Variants in VPS13B observed in about 807,000 individuals in gnomAD.
VPS13B encodes vacuolar protein sorting 13 homolog B.
In VPS13B, 285 loss-of-function variants were observed where a neutral mutation model predicts 426.4. The observed-to-expected ratio is 0.67, with a 90% CI of 0.61 to 0.74. The LOEUF (loss-of-function observed/expected upper bound fraction) is 0.74. Among genes scored for constraint, VPS13B ranks in the 30% least tolerant of loss-of-function variants. The probability of loss-of-function intolerance (pLI) is 0.00; values close to 1 mark genes in which losing one functional copy is unlikely to be tolerated. For synonymous variants in VPS13B, 1,676 were observed against 1,676.4 expected (o/e 1.00, Z 0.01); for missense variants, 4,537 against 4,782.6 (o/e 0.95, Z 1.51).
intron 33 of VPS13B, among the ~76,000 whole-genome samples, chr8:99,621,792 TTTTG>T (rs995687549): frequency 8.6e-5 from 13 of 151,710 alleles, no homozygotes; most frequent in African/African-American, 1.7e-4. Context: ...TCATTCCTTT[TTTTG>T]TTTGTTTGTT....
chr8:99,337,737 T>C (rs1050620150), intron 19 of VPS13B, among the ~76,000 whole-genome samples: 9 of 152,218 alleles, frequency 5.9e-5, no homozygotes, highest in African/African-American at 1.9e-4. Context: ...AATTCACATT[T>C]ATCAATTTTT....
chr8:99,793,520 A>T (rs1297300912), intron 43 of VPS13B, among the ~76,000 whole-genome samples: 2 of 152,026 alleles, frequency 1.3e-5, no homozygotes, highest in African/African-American at 4.8e-5. Context: ...GTTTAACTTG[A>T]TAGAGGTCTG....
At position 99,465,095 on chromosome 8, in the gene VPS13B, T is replaced by A. The variant is rs544493264; in HGVS notation, c.3446-2319T>A. Among the ~76,000 whole-genome samples the A allele has an allele frequency of 3.3e-4, 51 of 152,290 alleles. No individual in the cohort carries two copies. The South Asian group carries it at 9.7e-3, about 29-fold the overall frequency. On this transcript the variant is annotated intron_variant, in intron 23 of 61. Coordinates refer to ENST00000357162, the MANE Select transcript of VPS13B (RefSeq NM_152564.5). ...TCTTAATCTTGAAGGTCAGCCCAGA[T>A]TGATAGAAAGCTATATGAAGTTCTC...
At chr8:99,608,671 T>C (rs1316702515) in intron 33 of VPS13B, among the ~76,000 whole-genome samples, 1 of 152,184 alleles carries the variant, frequency 6.6e-6, no homozygotes, top group African/African-American at 2.4e-5. Flanking sequence ...TCTCCTCCAC[T>C]GCTAGGCAAC....
intron 33 of VPS13B, among the ~76,000 whole-genome samples, chr8:99,626,707 T>C (rs1828627720): frequency 6.6e-6 from 1 of 152,124 alleles, no homozygotes. Context: ...CATCCAGCCA[T>C]TATGGAAAAA....
intron 25 of VPS13B, among the ~76,000 whole-genome samples, chr8:99,486,649 C>T (rs969863875): frequency 1.3e-5 from 2 of 152,118 alleles, no homozygotes; most frequent in Non-Finnish European, 2.9e-5. Context: ...CTCTGTTTGC[C>T]TCCAGGCTTT....
intron 30 of VPS13B, among the ~76,000 whole-genome samples, chr8:99,545,042 A>G (rs2133738886): frequency 6.6e-6 from 1 of 152,254 alleles, no homozygotes; most frequent in East Asian, 1.9e-4. Context: ...CTATATCAAA[A>G]CAATATAGAG....
chr8:99,827,542 A>AT (rs142426991), intron 51 of VPS13B, among the ~76,000 whole-genome samples: 33,827 of 136,814 alleles, frequency 0.25, 4,213 homozygotes, highest in East Asian at 0.35. Flanking sequence ...GGTTTCGTTG[A>AT]TTTTTTTTTT....
At chr8:99,766,387 A>AC (rs543750503) in intron 39 of VPS13B, among the ~76,000 whole-genome samples, 60 of 152,226 alleles carry the variant, frequency 3.9e-4, no homozygotes, top group Admixed American at 5.2e-4. Flanking sequence ...CCTGGCTGGC[A>AC]CCTTCATTGC....
In VPS13B at chr8:99,859,308, G is replaced by C; in HGVS notation, c.10872G>C (p.Trp3624Cys). 1 of 1,613,600 alleles carries C rather than the reference G, an allele frequency of 6.2e-7. No homozygotes were observed. Among genetic ancestry groups the C allele is most frequent in the Non-Finnish European group, 8.5e-7 (1 of 1,179,916 alleles). The change falls in exon 57 of 62, where the codon TGG becomes TGC. Residue 3624 changes from tryptophan (W) to cysteine (C), a missense_variant. By Grantham distance (215) the Trp-to-Cys change is radical. Coordinates refer to ENST00000357162, the MANE Select transcript of VPS13B (RefSeq NM_152564.5). ...CTTCCCTCTTGTGCGTTGCAGGCTG[G>C]GTAGTTGGGTCTCTGGATATTCTTG... ...YAAGALFRAG[W>C]VVGSLDILGS... is the part of the protein sequence containing the mutation.
chr8:99,594,325 A>G (rs1382546406), intron 33 of VPS13B, among the ~76,000 whole-genome samples: 1 of 151,960 alleles, frequency 6.6e-6, no homozygotes, highest in African/African-American at 2.4e-5. Flanking sequence ...GCTTCAATTT[A>G]ATCATCTGCA....
At chr8:99,449,453 A>G (rs897746375) in intron 23 of VPS13B, among the ~76,000 whole-genome samples, 3 of 152,206 alleles carry the variant, frequency 2.0e-5, no homozygotes, top group Non-Finnish European at 4.4e-5. Flanking sequence ...AAGAGGGATC[A>G]TAGAGACACA....
intron 17 of VPS13B, among the ~76,000 whole-genome samples, chr8:99,215,153 T>C (rs1815315014): frequency 6.6e-6 from 1 of 152,180 alleles, no homozygotes; most frequent in Admixed American, 6.5e-5. Flanking sequence ...TGATAAGTGT[T>C]GTATGTCTGC....
chr8:99,401,791 G>A (rs1207759475), intron 21 of VPS13B, among the ~76,000 whole-genome samples: 3 of 152,142 alleles, frequency 2.0e-5, no homozygotes, highest in Non-Finnish European at 4.4e-5. Flanking sequence ...GCTTGAACCT[G>A]GGAGGTGGAG....
chr8:99,527,611 C>G (rs769442756), intron 30 of VPS13B, among the ~76,000 whole-genome samples: 33 of 152,084 alleles, frequency 2.2e-4, no homozygotes, highest in Non-Finnish European at 4.7e-4. Context: ...GTTTCTTTAT[C>G]TTACACAACC....
At chr8:99,232,624 C>T (rs753887491) in intron 17 of VPS13B, among the ~76,000 whole-genome samples, 2 of 152,302 alleles carry the variant, frequency 1.3e-5, no homozygotes, top group Admixed American at 6.5e-5. Context: ...CCGCAGGCCA[C>T]GTATCTTACC....
rs142380266 is a variant in VPS13B at position 99,575,697 on chromosome 8, C to T, written c.4989C>T (p.Pro1663=). Residue 1663 remains proline, a synonymous_variant, in exon 32 of 62, where the codon CCC becomes CCT. Transcript: ENST00000357162. ...RHQERRAILT[P]VLTDFSVRIT... ...AAGAAAGGAGAGCAATTTTGACCCCCGTTTTGACAGATTTTTCTGTCCGAA... is the reference window on the plus strand; with the variant it reads ...AAGAAAGGAGAGCAATTTTGACCCCTGTTTTGACAGATTTTTCTGTCCGAA... The T allele has an allele frequency of 1.5e-5, 24 of 1,613,696 alleles. No individual in the cohort carries two copies. The highest frequency in any genetic ancestry group is 3.3e-5 in the Admixed American group (2 of 59,936).
intron 39 of VPS13B, among the ~76,000 whole-genome samples, chr8:99,745,343 T>A (rs77616708): frequency 0.022 from 3,391 of 152,204 alleles, 118 homozygotes; most frequent in African/African-American, 0.076. Context: ...CCTAAAAAAA[T>A]TTTTCTATTA....
chr8:99,511,026 G>A, intron 28 of VPS13B, 78 bp from the exon 29 acceptor site: 6 of 1,507,480 alleles, frequency 4.0e-6, no homozygotes, highest in Non-Finnish European at 5.5e-6. Context: ...TACTCACTGA[G>A]GTCATTTTCT....
Sources: gnomAD v4.1 joint callset for allele counts (sites outside exome capture counted in the v4.1 genomes callset) on GRCh38, gnomAD v4.1.1 for gene constraint, MANE v1.5 for transcripts, NCBI Gene and HGNC (gene_info 2026-07-23, HGNC 2026-07-21) for gene names.